The following LDB2 variants were observed in gnomAD, a reference collection of about 807,000 sequenced individuals.
LDB2 encodes LIM domain-binding protein 2.
A neutral mutation model predicts 44.3 loss-of-function variants in LDB2; 12 were observed. That is an observed-to-expected ratio of 0.27 (90% CI 0.17 to 0.44). The LOEUF (loss-of-function observed/expected upper bound fraction) is 0.44. Ranked by LOEUF, LDB2 falls within the 20% of genes least tolerant of loss-of-function variation. The pLI is 1.00. For synonymous variants in LDB2, 164 were observed against 174.8 expected (o/e 0.94, Z 0.49); for missense variants, 344 against 473.5 (o/e 0.73, Z 2.54).
chr4:16,749,204 T>C (rs1257751695), intron 2 of LDB2, among the ~76,000 whole-genome samples: 1 of 150,772 alleles, frequency 6.6e-6, no homozygotes, highest in Non-Finnish European at 1.5e-5. Context: ...AGCAATCTCA[T>C]GGTCCAAAGC....
chr4:16,504,091 C>T (rs553428969), intron 7 of LDB2, among the ~76,000 whole-genome samples: 2 of 152,238 alleles, frequency 1.3e-5, no homozygotes, highest in South Asian at 4.1e-4. Flanking sequence ...GAAGGTAGGG[C>T]TAGCCAGATG....
chr4:16,751,873 G>A (rs1765557868), intron 2 of LDB2, among the ~76,000 whole-genome samples: 1 of 152,128 alleles, frequency 6.6e-6, no homozygotes, highest in South Asian at 2.1e-4. Flanking sequence ...AATCTCACCA[G>A]CCTAATGAAG....
chr4:16,554,299 C>T (rs1218843421), intron 5 of LDB2, among the ~76,000 whole-genome samples: 1 of 152,162 alleles, frequency 6.6e-6, no homozygotes, highest in East Asian at 1.9e-4. Context: ...ATCCACCCGC[C>T]TCGGCCCCCC....
At chr4:16,637,866 C>G (rs1027522171) in intron 2 of LDB2, among the ~76,000 whole-genome samples, 4 of 152,134 alleles carry the variant, frequency 2.6e-5, no homozygotes, top group Non-Finnish European at 5.9e-5. Context: ...CAAAGCACAT[C>G]CTCTGTCAAA....
chr4:16,821,180 C>G (rs541455060), intron 1 of LDB2, among the ~76,000 whole-genome samples: 2 of 152,208 alleles, frequency 1.3e-5, no homozygotes, highest in South Asian at 4.2e-4. Context: ...CTTTCTCGCT[C>G]CGTCATCATT....
chr4:16,606,102 T>G (rs1723861378), intron 2 of LDB2, among the ~76,000 whole-genome samples: 1 of 152,330 alleles, frequency 6.6e-6, no homozygotes, highest in South Asian at 2.1e-4. Context: ...GCCTTTAGAT[T>G]TTTAAATTAT....
At chr4:16,639,951 T>C (rs550345077) in intron 2 of LDB2, among the ~76,000 whole-genome samples, 6 of 152,376 alleles carry the variant, frequency 3.9e-5, no homozygotes, top group African/African-American at 1.4e-4. Context: ...TAGCATATGT[T>C]GTCCATCTGT....
chr4:16,895,120 T>TAAAAAAAAA (rs71181199), intron 1 of LDB2, among the ~76,000 whole-genome samples: 2 of 124,678 alleles, frequency 1.6e-5, no homozygotes, highest in Non-Finnish European at 3.3e-5. Context: ...TTTTTCATGC[T>TAAAAAAAAA]AAAAAAAAAA....
intron 2 of LDB2, among the ~76,000 whole-genome samples, chr4:16,604,588 C>T (rs1016778900): frequency 2.0e-5 from 3 of 150,680 alleles, no homozygotes; most frequent in Non-Finnish European, 3.0e-5. Context: ...AGGGAAGTAG[C>T]GAGCATTCTT....
At chr4:16,727,693 C>T (rs1409601935) in intron 2 of LDB2, among the ~76,000 whole-genome samples, 1 of 152,100 alleles carries the variant, frequency 6.6e-6, no homozygotes, top group Non-Finnish European at 1.5e-5. Context: ...CTTATATCTC[C>T]CGAAAGCTAA....
At chr4:16,549,849 C>A (rs1737035362) in intron 5 of LDB2, among the ~76,000 whole-genome samples, 1 of 152,128 alleles carries the variant, frequency 6.6e-6, no homozygotes, top group African/African-American at 2.4e-5. Flanking sequence ...TGCTAAAGGG[C>A]AGCAAAAAAT....
intron 2 of LDB2, among the ~76,000 whole-genome samples, chr4:16,732,722 GACAA>G (rs1181102614): frequency 1.3e-5 from 2 of 152,126 alleles, no homozygotes; most frequent in African/African-American, 4.8e-5. Context: ...CATCTGTTTG[GACAA>G]ACAAACATGT....
chr4:16,689,636 C>T (rs1183767562), intron 2 of LDB2, among the ~76,000 whole-genome samples: 2 of 152,156 alleles, frequency 1.3e-5, no homozygotes, highest in African/African-American at 2.4e-5. Context: ...ACTTCAGTTT[C>T]CTCATCTATA....
chr4:16,609,605 T>C (rs1725055834), intron 2 of LDB2, among the ~76,000 whole-genome samples: 1 of 152,166 alleles, frequency 6.6e-6, no homozygotes, highest in African/African-American at 2.4e-5. Context: ...GAGTGCCTCT[T>C]CAGGCCCAAC....
intron 1 of LDB2, among the ~76,000 whole-genome samples, chr4:16,780,696 G>C (rs951249998): frequency 1.3e-5 from 2 of 151,748 alleles, no homozygotes; most frequent in African/African-American, 4.8e-5. Context: ...AAGTTTATTC[G>C]CTCTGTGTTG....
chr4:16,758,831 A>C (rs1579394733), intron 2 of LDB2, among the ~76,000 whole-genome samples: 1 of 152,222 alleles, frequency 6.6e-6, no homozygotes, highest in East Asian at 1.9e-4. Flanking sequence ...GTCAAGTGTG[A>C]ACCGTCAAGG....
chr4:16,515,178 C>A (rs1723173907), intron 5 of LDB2, among the ~76,000 whole-genome samples: 1 of 152,154 alleles, frequency 6.6e-6, no homozygotes, highest in Non-Finnish European at 1.5e-5. Context: ...AGTGACTGAA[C>A]ACAAAACCAG....
chr4:16,897,802 T>C (rs1358678761), intron 1 of LDB2, among the ~76,000 whole-genome samples: 2 of 151,082 alleles, frequency 1.3e-5, no homozygotes, highest in South Asian at 4.2e-4. Context: ...AGTAGGCAGG[T>C]TTACTCTTCT....
At chr4:16,803,381 C>T (rs1251413759) in intron 1 of LDB2, among the ~76,000 whole-genome samples, 1 of 152,088 alleles carries the variant, frequency 6.6e-6, no homozygotes, top group East Asian at 1.9e-4. Flanking sequence ...TTCATAAAAA[C>T]TTTGTAGGAG....
Sources: allele counts gnomAD v4.1 joint callset (sites outside exome capture counted in the v4.1 genomes callset), GRCh38; gene constraint gnomAD v4.1.1; transcripts MANE v1.5; gene names NCBI Gene and HGNC (gene_info 2026-07-23, HGNC 2026-07-21).